BNIP3L: variants seen among roughly 807,000 people sequenced by gnomAD.
BNIP3L encodes the protein BCL2/adenovirus E1B 19 kDa protein-interacting protein 3-like.
A neutral mutation model predicts 25.5 loss-of-function variants in BNIP3L; 10 were observed. The observed-to-expected ratio is 0.39, with a 90% CI of 0.24 to 0.67. The LOEUF (loss-of-function observed/expected upper bound fraction) is 0.67. Among genes scored for constraint, BNIP3L ranks in the 30% least tolerant of loss-of-function variants. BNIP3L has a pLI of 0.45. For missense variants in BNIP3L, 215 were observed against 270.9 expected (o/e 0.79, Z 1.45); for synonymous variants, 113 against 101.2 (o/e 1.12, Z -0.70).
intron 2 of BNIP3L, among the ~76,000 whole-genome samples, chr8:26,392,225 CT>C (rs1806129854): frequency 1.0e-5 from 1 of 95,600 alleles, no homozygotes; most frequent in South Asian, 3.3e-4. Flanking sequence ...TTAAGAAATT[CT>C]TGTTTCAGTG....
chr8:26,398,779 C>T (rs1052412452), intron 3 of BNIP3L, among the ~76,000 whole-genome samples: 17 of 151,212 alleles, frequency 1.1e-4, no homozygotes, highest in Non-Finnish European at 1.9e-4. Flanking sequence ...AAAAATGATA[C>T]TACAAACACC....
At chr8:26,407,498 GT>G (rs1028011724) in intron 3 of BNIP3L, among the ~76,000 whole-genome samples, 1 of 149,188 alleles carries the variant, frequency 6.7e-6, no homozygotes, top group Non-Finnish European at 1.5e-5. Context: ...TAAGTTTTGT[GT>G]TTTTTTTTAG....
chr8:26,394,009 C>CTT (rs1563339339), intron 2 of BNIP3L, among the ~76,000 whole-genome samples: 1 of 152,138 alleles, frequency 6.6e-6, no homozygotes, highest in African/African-American at 2.4e-5. Flanking sequence ...TATACATACT[C>CTT]TTGATAACTT....
chr8:26,403,403 T>C (rs1434779438), intron 3 of BNIP3L, among the ~76,000 whole-genome samples: 1 of 152,188 alleles, frequency 6.6e-6, no homozygotes, highest in African/African-American at 2.4e-5. Flanking sequence ...TAAAGGACTG[T>C]TATTGTACTT....
At chr8:26,395,355 C>T in intron 3 of BNIP3L, 53 bp downstream of exon 3, 2 of 1,548,208 alleles carry the variant, frequency 1.3e-6, no homozygotes, top group Non-Finnish European at 1.8e-6. Flanking sequence ...GATGTAAATT[C>T]TCTAAGTATA....
chr8:26,384,727 A>ATTTTTT (rs10598657), intron 1 of BNIP3L, among the ~76,000 whole-genome samples: 13 of 97,144 alleles, frequency 1.3e-4, no homozygotes, highest in Admixed American at 4.4e-4. Flanking sequence ...TTTTGAGGAC[A>ATTTTTT]TTTTTTTTTT....
In BNIP3L at chr8:26,400,036, A is replaced by C. The variant is rs1384465467; in HGVS notation, c.357+4734A>C. 2.6e-5 allele frequency among the ~76,000 whole-genome samples: 4 copies of C among 151,284 alleles called. No homozygotes were observed. The South Asian group carries it at 6.3e-4, about 24-fold the overall frequency. On this transcript the variant is annotated intron_variant, in intron 3 of 5. Transcript: ENST00000380629. Reference sequence around the variant, plus strand: ...TGCCATCCCCATCAAGCTACCAATGACTTTCTTCACAGAATTGGAAAAAAC... The same window carrying C: ...TGCCATCCCCATCAAGCTACCAATGCCTTTCTTCACAGAATTGGAAAAAAC...
At chr8:26,400,748 G>A (rs1245298782) in intron 3 of BNIP3L, among the ~76,000 whole-genome samples, 1 of 65,068 alleles carries the variant, frequency 1.5e-5, no homozygotes, top group Admixed American at 1.4e-4. Context: ...ATCAAAAAGT[G>A]GGCGAAGGAC....
chr8:26,407,056 G>A (rs557608332), intron 3 of BNIP3L, among the ~76,000 whole-genome samples: 15 of 151,232 alleles, frequency 9.9e-5, no homozygotes, highest in Middle Eastern at 3.4e-3. Context: ...GTAGTGGCTG[G>A]ATCTCGGCTC....
At chr8:26,384,761 G>A (rs1223596531) in intron 1 of BNIP3L, among the ~76,000 whole-genome samples, 1 of 127,084 alleles carries the variant, frequency 7.9e-6, no homozygotes, top group African/African-American at 3.1e-5. Context: ...TTGAGGTAGA[G>A]TCTCGCTCTG....
intron 1 of BNIP3L, among the ~76,000 whole-genome samples, chr8:26,385,469 G>C (rs755043630): frequency 7.9e-5 from 12 of 151,960 alleles, no homozygotes; most frequent in Admixed American, 2.0e-4. Context: ...CTGGCTTGGT[G>C]TTGGGCGCCT....
At chr8:26,391,799 T>C (rs951662174) in intron 2 of BNIP3L, among the ~76,000 whole-genome samples, 18 of 152,246 alleles carry the variant, frequency 1.2e-4, no homozygotes, top group African/African-American at 3.9e-4. Context: ...TACCTCTGTA[T>C]ATATGTGTCT....
intron 1 of BNIP3L, among the ~76,000 whole-genome samples, chr8:26,385,465 T>C (rs1295254155): frequency 1.3e-5 from 2 of 151,578 alleles, no homozygotes; most frequent in African/African-American, 4.8e-5. Context: ...TAGCCTGGCT[T>C]GGTGTTGGGC....
rs1349784497 is a variant in BNIP3L, at chr8:26,412,399, C to A, written c.*1987C>A. 3 of 152,148 alleles carry A rather than the reference C, an allele frequency of 2.0e-5. No individual in the cohort carries two copies. Among genetic ancestry groups the A allele is most frequent in the Non-Finnish European group, 4.4e-5 (3 of 68,030 alleles). 9.4% of individuals were successfully genotyped at this position (152,148 alleles called of 1,614,324 possible). ...GGGGGAAAAGTAAAATTACACTTTA[C>A]CTGAAAGTGACTTCTTACAGCTAGT... On this transcript the variant is annotated 3_prime_UTR_variant, in exon 6 of 6. Coordinates refer to ENST00000380629, the MANE Select transcript of BNIP3L (RefSeq NM_004331.3).
chr8:26,386,057 CAGG>C (rs1805984966), intron 1 of BNIP3L, among the ~76,000 whole-genome samples: 2 of 152,300 alleles, frequency 1.3e-5, no homozygotes, highest in Non-Finnish European at 1.5e-5. Context: ...AACTGAAAAA[CAGG>C]AGAAGAAATG....
At chr8:26,400,212 CATAG>C (rs1334290436) in intron 3 of BNIP3L, among the ~76,000 whole-genome samples, 1 of 151,994 alleles carries the variant, frequency 6.6e-6, no homozygotes, top group Non-Finnish European at 1.5e-5. Flanking sequence ...GGTACCAAAA[CATAG>C]ATATAGATCA....
At chr8:26,392,094 T>C (rs925162713) in intron 2 of BNIP3L, among the ~76,000 whole-genome samples, 1 of 152,102 alleles carries the variant, frequency 6.6e-6, no homozygotes, top group Non-Finnish European at 1.5e-5. Flanking sequence ...GGACTGCTTA[T>C]GGTGAAAGAG....
At position 26,403,062 on chromosome 8, in the gene BNIP3L, G is replaced by A. The variant is rs201031081; in HGVS notation, c.358-4938G>A. 1.1e-4 allele frequency among the ~76,000 whole-genome samples: 16 copies of A among 152,320 alleles called. No individual in the cohort carries two copies. In the East Asian group the frequency reaches 3.1e-3, roughly 29 times the overall value. On this transcript the variant is annotated intron_variant, in intron 3 of 5. Coordinates refer to ENST00000380629, the MANE Select transcript of BNIP3L (RefSeq NM_004331.3). ...TTTTTGGCCTTTGGTAGGTTTGCCA[G>A]TGTTGATCCCTTCTCAGGACCAAAT...
intron 3 of BNIP3L, among the ~76,000 whole-genome samples, chr8:26,407,172 A>ATTTTT (rs547795935): frequency 6.8e-6 from 1 of 147,874 alleles, no homozygotes; most frequent in Admixed American, 6.8e-5. Context: ...TGCCCGGCTA[A>ATTTTT]TTTTTTTTTG....
Sources: gnomAD v4.1 joint callset for allele counts (sites outside exome capture counted in the v4.1 genomes callset) on GRCh38, gnomAD v4.1.1 for gene constraint, MANE v1.5 for transcripts, NCBI Gene and HGNC (gene_info 2026-07-23, HGNC 2026-07-21) for gene names.